Variants in THRAP3 observed in about 807,000 individuals in gnomAD.
THRAP3 encodes the protein thyroid hormone receptor-associated protein 3.
THRAP3 carries 16 observed loss-of-function variants against 101.0 expected under a neutral mutation model. The ratio of observed to expected loss-of-function variants is 0.16; its 90% confidence interval spans 0.11 to 0.24. THRAP3 has a LOEUF of 0.24. Among genes scored for constraint, THRAP3 ranks in the 10% least tolerant of loss-of-function variants. The pLI is 1.00. For synonymous variants in THRAP3, 407 were observed against 422.6 expected (o/e 0.96, Z 0.45); for missense variants, 989 against 1,202.7 (o/e 0.82, Z 2.63).
rs183854765 is a variant in THRAP3 at position 36,288,173 on chromosome 1, A to G, written c.1041-887A>G. On this transcript the variant is annotated intron_variant, in intron 4 of 11. Transcript: ENST00000354618. ...TTTATTTATTTATTTATTTATTTCA[A>G]TAGGTTTTTGGGCGAATAGGTGGTG... is the stretch of plus-strand genomic sequence containing the variant. The G allele has an allele frequency of 3.3e-4, 320 of 959,456 alleles. 6 individuals carry two copies. The East Asian group carries it at 0.017, about 52-fold the overall frequency. 59.4% of individuals were successfully genotyped at this position (959,456 alleles called of 1,614,324 possible).
At chr1:36,238,715 G>A (rs373891821) in intron 1 of THRAP3, among the ~76,000 whole-genome samples, 6 of 151,974 alleles carry the variant, frequency 3.9e-5, no homozygotes, top group South Asian at 2.1e-4. Context: ...GTTTTGTTTC[G>A]TTTTTTTGGA....
Position 36,279,255 on chromosome 1 carries a change from T to C in THRAP3, c.-31-3278T>C, listed in dbSNP as rs142862460. On this transcript the variant is annotated intron_variant, in intron 2 of 11. Coordinates refer to ENST00000354618, the MANE Select transcript of THRAP3 (RefSeq NM_005119.4). ...AAAGTCTGATAATATCCACCTGTTG[T>C]GTAAGTCATCTGGATGGATTTTTAT... Among the ~76,000 whole-genome samples the C allele has an allele frequency of 5.3e-5, 8 of 152,302 alleles. No individual in the cohort carries two copies. In the East Asian group the frequency reaches 1.5e-3, roughly 29 times the overall value.
intron 1 of THRAP3, among the ~76,000 whole-genome samples, chr1:36,249,685 A>AGTGTGTGTGTGTGTGTGTGT (rs66759336): frequency 1.2e-4 from 17 of 138,208 alleles, no homozygotes; most frequent in South Asian, 9.8e-4. Flanking sequence ...GCAGGTGGTG[A>AGTGTGTGTGTGTGTGTGTGT]GTGTGTGTGT....
chr1:36,282,064 A>T (rs1645738138), intron 2 of THRAP3, among the ~76,000 whole-genome samples: 1 of 141,836 alleles, frequency 7.1e-6, no homozygotes, highest in Non-Finnish European at 1.5e-5. Context: ...CAAAAGCAAA[A>T]CTCCTATCTC....
chr1:36,231,219 G>A (rs1645024145), intron 1 of THRAP3, among the ~76,000 whole-genome samples: 1 of 151,950 alleles, frequency 6.6e-6, no homozygotes, highest in South Asian at 2.1e-4. Flanking sequence ...AAGATTTTAG[G>A]CAGCTTTGAA....
intron 2 of THRAP3, among the ~76,000 whole-genome samples, chr1:36,267,759 A>G (rs1296806864): frequency 5.6e-5 from 2 of 35,900 alleles, no homozygotes; most frequent in African/African-American, 1.0e-4. Flanking sequence ...GGGAGCCCAT[A>G]TTCCCCGCAC....
At chr1:36,251,365 C>G (rs908697653) in intron 1 of THRAP3, among the ~76,000 whole-genome samples, 11 of 152,194 alleles carry the variant, frequency 7.2e-5, no homozygotes, top group Admixed American at 2.0e-4. Context: ...TCCCCAACCT[C>G]TCTGCACAGC....
intron 2 of THRAP3, among the ~76,000 whole-genome samples, chr1:36,274,534 G>C (rs1645630851): frequency 6.6e-6 from 1 of 150,958 alleles, no homozygotes; most frequent in Admixed American, 6.6e-5. Flanking sequence ...CACTAATTAA[G>C]ACTGTGGTGT....
Position 36,226,352 on chromosome 1 carries a change from T to G in THRAP3, c.-135+1847T>G, listed in dbSNP as rs368988458. Among the ~76,000 whole-genome samples, 8 of 152,246 alleles carry G rather than the reference T, an allele frequency of 5.3e-5. No individual in the cohort carries two copies. The East Asian group carries it at 1.4e-3, about 26-fold the overall frequency. On this transcript the variant is annotated intron_variant, in intron 1 of 11. Transcript: ENST00000354618. ...TCGGCTCACTGCAACCTCCGCCTCCTGGGTTCAAGCGATTCTCCTGCTTCT... is the reference window on the plus strand; with the variant it reads ...TCGGCTCACTGCAACCTCCGCCTCCGGGGTTCAAGCGATTCTCCTGCTTCT...
Position 36,286,960 on chromosome 1 carries a change from C to T in THRAP3, c.730C>T (p.Pro244Ser), listed in dbSNP as rs761261256. The change falls in exon 4 of 12, where the codon CCT becomes TCT. Residue 244 changes from proline (P) to serine (S), a missense_variant. Pro to Ser is a moderately conservative substitution (Grantham distance 74). Coordinates refer to ENST00000354618, the MANE Select transcript of THRAP3 (RefSeq NM_005119.4). This position sits in a 1 kb window ranked among gnomAD's most constrained non-coding sequence, Gnocchi z 5.5. Reference sequence around the variant, plus strand: ...GGCCTCAGCAGTTTCTGAGCTGAGTCCTCGGGAGCGAAGCCCAGCTCTCAA... The same window carrying T: ...GGCCTCAGCAGTTTCTGAGCTGAGTTCTCGGGAGCGAAGCCCAGCTCTCAA... ...SRASAVSELSPRERSPALKSP... is the reference protein window; with the variant it reads ...SRASAVSELSSRERSPALKSP... 1.9e-6 allele frequency: 3 copies of T among 1,614,248 alleles called. No individual in the cohort carries two copies. Among genetic ancestry groups the T allele is most frequent in the South Asian group, 2.2e-5 (2 of 91,084 alleles).
chr1:36,228,375 G>T (rs1379830676), intron 1 of THRAP3, among the ~76,000 whole-genome samples: 1 of 152,182 alleles, frequency 6.6e-6, no homozygotes, highest in Non-Finnish European at 1.5e-5. Flanking sequence ...CCGCCACTAT[G>T]TCCAGCTAAT....
chr1:36,229,896 C>T (rs1244297919), intron 1 of THRAP3, among the ~76,000 whole-genome samples: 4 of 150,652 alleles, frequency 2.7e-5, no homozygotes, highest in African/African-American at 7.3e-5. Context: ...AGGTCATCTG[C>T]CTACCTTGGC....
chr1:36,246,522 T>C (rs1160302886), intron 1 of THRAP3, among the ~76,000 whole-genome samples: 3 of 151,756 alleles, frequency 2.0e-5, no homozygotes, highest in Non-Finnish European at 4.4e-5. Context: ...TGTGAGCGAC[T>C]GTGCCCAGCC....
At chr1:36,252,838 CAG>C (rs1338891668) in intron 1 of THRAP3, among the ~76,000 whole-genome samples, 3 of 150,104 alleles carry the variant, frequency 2.0e-5, no homozygotes, top group African/African-American at 7.3e-5. Flanking sequence ...ACCCGGAGGA[CAG>C]GGGTTGCACT....
chr1:36,304,956 T>G lies in THRAP3; in HGVS notation c.*939T>G. 4.8e-6 allele frequency: 1 copy of G among 209,982 alleles called. No individual in the cohort carries two copies. Among genetic ancestry groups the G allele is most frequent in the South Asian group, 1.9e-4 (1 of 5,314 alleles). 13.0% of individuals were successfully genotyped at this position (209,982 alleles called of 1,614,324 possible). A position where few individuals can be genotyped will look rare whatever the true frequency, so the allele number is the denominator to read the frequency against. ...AATGAAAAGAAACTCCTATGATCGA[T>G]TAAGGAAGGTGGTTATGGCTGGGTG... On this transcript the variant is annotated 3_prime_UTR_variant, in exon 12 of 12. Coordinates refer to ENST00000354618, the MANE Select transcript of THRAP3 (RefSeq NM_005119.4).
chr1:36,263,061 T>C (rs184767425), intron 2 of THRAP3, among the ~76,000 whole-genome samples: 50 of 150,138 alleles, frequency 3.3e-4, no homozygotes, highest in African/African-American at 1.2e-3. Context: ...CTGCCCACCT[T>C]GGCCTCCCAA....
chr1:36,298,146 CAA>C (rs10653561), intron 9 of THRAP3, among the ~76,000 whole-genome samples: 9 of 95,978 alleles, frequency 9.4e-5, no homozygotes, highest in African/African-American at 3.3e-4. Context: ...GACTTCATCT[CAA>C]AAAAAAAAAA....
intron 1 of THRAP3, among the ~76,000 whole-genome samples, chr1:36,235,413 A>G (rs770893805): frequency 9.8e-5 from 15 of 152,306 alleles, no homozygotes; most frequent in Non-Finnish European, 1.5e-4. Context: ...GGAAAGAACA[A>G]AGGATACCAA....
At chr1:36,301,499 G>A (rs915400262) in intron 10 of THRAP3, 54 bp from the exon 11 acceptor site, 1 of 1,588,434 alleles carries the variant, frequency 6.3e-7, no homozygotes, top group Non-Finnish European at 8.6e-7. Flanking sequence ...AGGGGGGTTT[G>A]TTCCCCATTC....
Sources: allele counts gnomAD v4.1 joint callset (sites outside exome capture counted in the v4.1 genomes callset), GRCh38; gene constraint gnomAD v4.1.1; non-coding constraint Gnocchi (gnomAD v3.1); transcripts MANE v1.5; gene names NCBI Gene and HGNC (gene_info 2026-07-23, HGNC 2026-07-21).